SETBP1: variants seen among roughly 807,000 people sequenced by gnomAD.
SETBP1 encodes SET binding protein 1.
In SETBP1, 9 loss-of-function variants were observed where a neutral mutation model predicts 101.0. That is an observed-to-expected ratio of 0.09 (90% CI 0.05 to 0.16). The LOEUF is 0.16. Ranked by LOEUF, SETBP1 falls within the 10% of genes least tolerant of loss-of-function variation. The pLI is 1.00. For missense variants in SETBP1, 1,858 were observed against 2,033.8 expected (o/e 0.91, Z 1.66); for synonymous variants, 818 against 788.5 (o/e 1.04, Z -0.63).
intron 2 of SETBP1, among the ~76,000 whole-genome samples, chr18:44,854,877 T>C (rs1939701697): frequency 6.6e-6 from 1 of 152,180 alleles, no homozygotes; most frequent in Admixed American, 6.5e-5. Context: ...GTGGCCTCAC[T>C]CTGCTGTCAC....
intron 4 of SETBP1, among the ~76,000 whole-genome samples, chr18:44,978,355 G>T (rs2072037311): frequency 6.6e-6 from 1 of 152,172 alleles, no homozygotes; most frequent in Non-Finnish European, 1.5e-5. Flanking sequence ...CCAGGGATAA[G>T]TTGTCTGCCC....
In SETBP1 at chr18:44,880,227, C is replaced by A. The variant is rs560588376; in HGVS notation, c.540+10944C>A. On this transcript the variant is annotated intron_variant, in intron 3 of 5. Coordinates refer to ENST00000649279, the MANE Select transcript of SETBP1 (RefSeq NM_015559.3). ...GAAAAATAAGAGATGATTCAAGAAG[C>A]ACATGGGTTTTGGATTTAATGGGGC... Among the ~76,000 whole-genome samples the A allele has an allele frequency of 7.2e-5, 11 of 152,288 alleles. No individual in the cohort carries two copies. The South Asian group carries it at 2.3e-3, about 32-fold the overall frequency.
At chr18:44,998,696 G>A (rs1188429389) in intron 4 of SETBP1, among the ~76,000 whole-genome samples, 2 of 152,322 alleles carry the variant, frequency 1.3e-5, no homozygotes, top group Middle Eastern at 3.4e-3. Flanking sequence ...CTGAAGTTAA[G>A]CACTCAGGAT....
chr18:44,744,293 C>T (rs182047899), intron 2 of SETBP1, among the ~76,000 whole-genome samples: 12 of 152,356 alleles, frequency 7.9e-5, no homozygotes, highest in African/African-American at 2.6e-4. Flanking sequence ...CTGCTCCCCC[C>T]TTCCCTGCAG....
At chr18:44,955,082 T>C (rs1039080104) in intron 4 of SETBP1, among the ~76,000 whole-genome samples, 2 of 151,722 alleles carry the variant, frequency 1.3e-5, no homozygotes, top group African/African-American at 4.9e-5. Context: ...AAACCAGACG[T>C]TGTTGCATGT....
intron 2 of SETBP1, among the ~76,000 whole-genome samples, chr18:44,832,771 C>A (rs960500985): frequency 5.9e-5 from 9 of 152,180 alleles, no homozygotes; most frequent in African/African-American, 1.9e-4. Flanking sequence ...CTGCTGGTCC[C>A]TGAATGAGAA....
Position 44,953,300 on chromosome 18 carries a change from C to A in SETBP1, c.3960C>A (p.Asn1320Lys). ...AGGACATCCAAGCCTTCAAGATGAACCGCAAGGAGAGAAGTTCTTATGACT... is the reference window on the plus strand; with the variant it reads ...AGGACATCCAAGCCTTCAAGATGAAACGCAAGGAGAGAAGTTCTTATGACT... ...REKDIQAFKM[N>K]RKERSSYDSS... Residue 1320 changes from asparagine (N) to lysine (K), a missense_variant, in exon 4 of 6, where the codon AAC (asparagine) becomes AAA (lysine). By Grantham distance (94) the Asn-to-Lys change is moderately conservative (BLOSUM62 0). This residue lies in a region of SETBP1 where 417 missense variants were observed against 389.1 expected (regional missense o/e 1.07). Coordinates refer to ENST00000649279, the MANE Select transcript of SETBP1 (RefSeq NM_015559.3). 1.2e-6 allele frequency: 2 copies of A among 1,613,974 alleles called. No individual in the cohort carries two copies. The highest frequency in any genetic ancestry group is 1.7e-6 in the Non-Finnish European group (2 of 1,180,030).
intron 3 of SETBP1, among the ~76,000 whole-genome samples, chr18:44,936,555 C>T (rs555410462): frequency 9.9e-4 from 151 of 152,262 alleles, no homozygotes; most frequent in Admixed American, 2.2e-3. Flanking sequence ...CCTACCAGTA[C>T]ACATGTCTCG....
At chr18:44,970,984 C>G (rs1235883221) in intron 4 of SETBP1, among the ~76,000 whole-genome samples, 2 of 152,012 alleles carry the variant, frequency 1.3e-5, no homozygotes, top group Non-Finnish European at 2.9e-5. Flanking sequence ...CTTCATTTAA[C>G]ATTAGGTATA....
At chr18:44,694,993 G>C (rs2068991842) in intron 1 of SETBP1, among the ~76,000 whole-genome samples, 1 of 152,094 alleles carries the variant, frequency 6.6e-6, no homozygotes, top group Non-Finnish European at 1.5e-5. Context: ...ATAAAGTAAA[G>C]AAAGATTGCA....
chr18:44,966,623 T>A (rs2071726328), intron 4 of SETBP1, among the ~76,000 whole-genome samples: 1 of 152,192 alleles, frequency 6.6e-6, no homozygotes, highest in South Asian at 2.1e-4. Context: ...CTTAGGATGG[T>A]GCTGAGCACA....
intron 2 of SETBP1, among the ~76,000 whole-genome samples, chr18:44,785,754 C>T (rs184738541): frequency 5.3e-5 from 8 of 152,258 alleles, no homozygotes; most frequent in Middle Eastern, 3.4e-3. Context: ...CAGCACATGG[C>T]GTTTCAGGTT....
intron 4 of SETBP1, among the ~76,000 whole-genome samples, chr18:44,982,900 G>A (rs776140312): frequency 1.3e-5 from 2 of 152,162 alleles, no homozygotes; most frequent in Non-Finnish European, 2.9e-5. Flanking sequence ...TTTCTATGCT[G>A]ATTTTATAGA....
intron 4 of SETBP1, among the ~76,000 whole-genome samples, chr18:44,960,085 C>T (rs1208390634): frequency 6.6e-6 from 1 of 152,070 alleles, no homozygotes; most frequent in Non-Finnish European, 1.5e-5. Context: ...TTAGTAGAGA[C>T]AGGGTCTCAC....
At chr18:44,745,620 A>G (rs996969871) in intron 2 of SETBP1, among the ~76,000 whole-genome samples, 1 of 152,266 alleles carries the variant, frequency 6.6e-6, no homozygotes. Context: ...TCAGTGAAAA[A>G]TACAGCCAGA....
chr18:44,923,572 G>A (rs2070629890), intron 3 of SETBP1, among the ~76,000 whole-genome samples: 1 of 152,192 alleles, frequency 6.6e-6, no homozygotes, highest in Admixed American at 6.5e-5. Flanking sequence ...CCAAGAGTAT[G>A]CATTTATGAG....
intron 4 of SETBP1, chr18:44,987,385 A>T (rs1024368878): frequency 2.0e-4 from 31 of 152,224 alleles, no homozygotes; most frequent in African/African-American, 7.2e-4. Context: ...CAAACCCCCA[A>T]TTAGGATTAT....
chr18:44,798,434 C>T (rs927552584), intron 2 of SETBP1, among the ~76,000 whole-genome samples: 2 of 152,146 alleles, frequency 1.3e-5, no homozygotes, highest in Admixed American at 1.3e-4. Flanking sequence ...TCTTTTCTTT[C>T]TGGAACAATG....
At chr18:44,730,093 G>A (rs961499580) in intron 2 of SETBP1, among the ~76,000 whole-genome samples, 2 of 152,180 alleles carry the variant, frequency 1.3e-5, no homozygotes, top group African/African-American at 4.8e-5. Context: ...AGAGTGGTGC[G>A]GCTGAGACCT....
Sources: allele counts gnomAD v4.1 joint callset (sites outside exome capture counted in the v4.1 genomes callset), GRCh38; gene constraint gnomAD v4.1.1; regional missense constraint gnomAD v4.1.1; transcripts MANE v1.5; gene names NCBI Gene and HGNC (gene_info 2026-07-23, HGNC 2026-07-21).